SNTG1: variants seen among roughly 807,000 people sequenced by gnomAD.
SNTG1 encodes the protein syntrophin gamma 1.
Under a neutral mutation model 74.7 loss-of-function variants are expected in SNTG1, and 39 were observed. The observed-to-expected ratio is 0.52, with a 90% CI of 0.40 to 0.68. SNTG1 has a LOEUF of 0.68. Ranked by LOEUF, SNTG1 falls within the 30% of genes least tolerant of loss-of-function variation. SNTG1 has a pLI of 0.00. For missense variants in SNTG1, 685 were observed against 609.5 expected, an observed-to-expected ratio of 1.12 and a Z score of -1.30; for synonymous variants, 254 against 217.1, an observed-to-expected ratio of 1.17 and a Z score of -1.49.
intron 1 of SNTG1, among the ~76,000 whole-genome samples, chr8:50,067,509 G>A (rs1015529514): frequency 2.6e-5 from 4 of 152,032 alleles, no homozygotes; most frequent in African/African-American, 9.7e-5. Flanking sequence ...GAAATTAATC[G>A]GTTTCTCAAA....
chr8:50,203,076 T>A (rs1304067708), intron 2 of SNTG1, among the ~76,000 whole-genome samples: 1 of 152,084 alleles, frequency 6.6e-6, no homozygotes, highest in Admixed American at 6.6e-5. Flanking sequence ...TTTCTCCTTC[T>A]TCCTCTTCAT....
intron 17 of SNTG1, among the ~76,000 whole-genome samples, chr8:50,711,049 T>C (rs544550637): frequency 6.6e-6 from 1 of 152,280 alleles, no homozygotes; most frequent in Non-Finnish European, 1.5e-5. Flanking sequence ...TTAATAGTTA[T>C]GTCAGACATA....
chr8:50,172,951 A>T (rs1044892771), intron 2 of SNTG1, among the ~76,000 whole-genome samples: 2 of 149,860 alleles, frequency 1.3e-5, no homozygotes, highest in Non-Finnish European at 3.0e-5. Context: ...GAATGAGAAA[A>T]ATCATTTAGT....
intron 2 of SNTG1, among the ~76,000 whole-genome samples, chr8:50,324,154 C>G (rs1232822019): frequency 6.6e-6 from 1 of 152,290 alleles, no homozygotes; most frequent in South Asian, 2.1e-4. Context: ...CTGGGATGGG[C>G]CATTCCTCTC....
intron 2 of SNTG1, among the ~76,000 whole-genome samples, chr8:50,307,014 A>T (rs2089927313): frequency 6.6e-6 from 1 of 151,994 alleles, no homozygotes; most frequent in South Asian, 2.1e-4. Flanking sequence ...TTCTCTCAAC[A>T]TCATGTATAT....
chr8:50,717,940 G>T (rs1355869360), intron 17 of SNTG1, among the ~76,000 whole-genome samples: 1 of 152,166 alleles, frequency 6.6e-6, no homozygotes, highest in Non-Finnish European at 1.5e-5. Flanking sequence ...TGTGTTTTCT[G>T]TAAGTCTTGA....
At chr8:50,062,034 G>A (rs187497687) in intron 1 of SNTG1, among the ~76,000 whole-genome samples, 61 of 152,098 alleles carry the variant, frequency 4.0e-4, no homozygotes, top group Non-Finnish European at 8.5e-4. Flanking sequence ...AAAGTAAGAT[G>A]ATGGAATTTT....
rs147000224 is a variant in SNTG1, at chr8:50,112,219, C to T, written c.-102-60342C>T. ...TGCATTAAGAACATAGATGTAATCA[C>T]CCTAATTATAATTTTAGTTAATTAA... On this transcript the variant is annotated intron_variant, in intron 1 of 18. Transcript: ENST00000642720. 4.6e-3 allele frequency among the ~76,000 whole-genome samples: 704 copies of T among 151,920 alleles called. 4 individuals carry two copies. The highest frequency in any genetic ancestry group is 0.016 in the African/African-American group (662 of 41,454).
chr8:50,736,210 CAACT>C (rs2095528281), intron 17 of SNTG1, among the ~76,000 whole-genome samples: 1 of 151,944 alleles, frequency 6.6e-6, no homozygotes, highest in Non-Finnish European at 1.5e-5. Flanking sequence ...GAAACTGCAT[CAACT>C]AATGGGCAAA....
chr8:50,275,417 A>G (rs10103053), intron 2 of SNTG1, among the ~76,000 whole-genome samples: 93,222 of 151,546 alleles, frequency 0.62, 30,402 homozygotes, highest in East Asian at 0.84. Context: ...TTATTACATG[A>G]TATTTCTTTT....
rs575134452 is a variant in SNTG1, at chr8:50,219,890, G to T, written c.-28+47255G>T. ...ATAGAAAAGTAGTGAACTTTTATTA[G>T]TCTAAGACGAAACAGACTTTAAGAC... On this transcript the variant is annotated intron_variant, in intron 2 of 18. Transcript: ENST00000642720. 5.9e-5 allele frequency among the ~76,000 whole-genome samples: 9 copies of T among 152,266 alleles called. No individual in the cohort carries two copies. The South Asian group carries it at 1.9e-3, about 32-fold the overall frequency.
chr8:49,956,892 T>C (rs926150011), intron 1 of SNTG1, among the ~76,000 whole-genome samples: 14 of 152,176 alleles, frequency 9.2e-5, no homozygotes, highest in African/African-American at 2.4e-4. Flanking sequence ...CCTCCAGCTT[T>C]ATTTCAGCCA....
rs143936221 is a variant in SNTG1, at chr8:50,507,637, A to G, written c.466+4757A>G. ...ATAATTGTCCATATTACTCTTTAAC[A>G]ATCATTTTGGTTTTTGTGGCATCAG... is the stretch of plus-strand genomic sequence containing the variant. On this transcript the variant is annotated intron_variant, in intron 9 of 18. Transcript: ENST00000642720. 2.0e-4 allele frequency among the ~76,000 whole-genome samples: 31 copies of G among 152,104 alleles called. No homozygotes were observed. In the East Asian group the frequency reaches 5.8e-3, roughly 29 times the overall value.
chr8:49,986,248 A>G (rs1393717471), intron 1 of SNTG1, among the ~76,000 whole-genome samples: 3 of 152,262 alleles, frequency 2.0e-5, no homozygotes, highest in Non-Finnish European at 2.9e-5. Flanking sequence ...GCAGAACTGT[A>G]TATATTTTAC....
chr8:50,220,788 G>A (rs2085026152), intron 2 of SNTG1, among the ~76,000 whole-genome samples: 1 of 152,224 alleles, frequency 6.6e-6, no homozygotes, highest in African/African-American at 2.4e-5. Context: ...CAGCATGGCA[G>A]CAACATTGAA....
At chr8:50,376,784 GA>G (rs2092396366) in intron 2 of SNTG1, among the ~76,000 whole-genome samples, 1 of 140,752 alleles carries the variant, frequency 7.1e-6, no homozygotes, top group African/African-American at 2.6e-5. Flanking sequence ...GAGAGAGAGA[GA>G]ATAGTGCTTC....
At chr8:50,670,505 AAGG>A (rs1394101994) in intron 15 of SNTG1, among the ~76,000 whole-genome samples, 2 of 151,288 alleles carry the variant, frequency 1.3e-5, no homozygotes, top group South Asian at 2.1e-4. Context: ...GGACCTCTTC[AAGG>A]AGAACTACAA....
chr8:50,639,375 C>A (rs1030770700), intron 13 of SNTG1, among the ~76,000 whole-genome samples: 3 of 151,902 alleles, frequency 2.0e-5, no homozygotes, highest in African/African-American at 7.2e-5. Flanking sequence ...TTCTTTAATA[C>A]ACATTTCTGA....
At chr8:50,453,698 T>G (rs2093476694) in intron 8 of SNTG1, among the ~76,000 whole-genome samples, 1 of 152,216 alleles carries the variant, frequency 6.6e-6, no homozygotes, top group Non-Finnish European at 1.5e-5. Flanking sequence ...TGGCAATTAA[T>G]TGGTAATACA....
Sources: gnomAD v4.1 joint callset for allele counts (sites outside exome capture counted in the v4.1 genomes callset) on GRCh38, gnomAD v4.1.1 for gene constraint, MANE v1.5 for transcripts, NCBI Gene and HGNC (gene_info 2026-07-23, HGNC 2026-07-21) for gene names.